The following ANK2 variants were observed in gnomAD, a reference collection of about 807,000 sequenced individuals.
ANK2 encodes the protein ankyrin-2.
Under a neutral mutation model 360.5 loss-of-function variants are expected in ANK2, and 83 were observed. That is an observed-to-expected ratio of 0.23 (90% CI 0.19 to 0.28). The LOEUF (loss-of-function observed/expected upper bound fraction) is 0.28, where lower values mean the gene tolerates loss of function less well. Ranked by LOEUF, ANK2 falls within the 10% of genes least tolerant of loss-of-function variation. The probability of loss-of-function intolerance (pLI) is 1.00; values close to 1 mark genes in which losing one functional copy is unlikely to be tolerated. For synonymous variants in ANK2, 1,740 were observed against 1,759.5 expected, an observed-to-expected ratio of 0.99 and a Z score of 0.28; for missense variants, 4,201 against 4,795.7, an observed-to-expected ratio of 0.88 and a Z score of 3.66.
intron 1 of ANK2, among the ~76,000 whole-genome samples, chr4:113,055,059 AACAGGC>A (rs2068946707): frequency 6.6e-6 from 1 of 152,098 alleles, no homozygotes; most frequent in South Asian, 2.1e-4. Context: ...GAGGATTTTT[AACAGGC>A]TCCCAACTCT....
chr4:112,880,995 G>C lies in ANK2; in HGVS notation c.-39-23460G>C, dbSNP rs190313864. On this transcript the variant is annotated intron_variant, in intron 1 of 30. Transcript: ENST00000503271. The stretch of plus-strand genomic sequence containing the variant: ...AGAAGAAAGTAAAAATGATGACTAT[G>C]CTTCTTACATAGAAATAACTGCTTA... 83 of 152,268 alleles carry C rather than the reference G, an allele frequency of 5.5e-4. 1 individual carries two copies. Among genetic ancestry groups the C allele is most frequent in the Admixed American group, 5.4e-3 (82 of 15,300 alleles). The allele number at this position is 152,268 out of a possible 1,614,324, so 9.4% of individuals were successfully genotyped here.
rs2153688077 is a variant in ANK2 at position 113,274,485 on chromosome 4, C to T, written c.1519C>T (p.Leu507=). 6.2e-7 allele frequency: 1 copy of T among 1,614,190 alleles called. No individual in the cohort carries two copies. Among genetic ancestry groups the T allele is most frequent in the Non-Finnish European group, 8.5e-7 (1 of 1,180,044 alleles). ...EQTPLHIASR[L]GKTEIVQLLL... ...GACACCTTTACATATTGCCTCCCGC[C>T]TGGGTAAGACAGAAATTGTCCAGCT... Residue 507 remains leucine (L), a synonymous_variant, in exon 15 of 46, where the codon CTG becomes TTG. Transcript: ENST00000357077.
intron 2 of ANK2, among the ~76,000 whole-genome samples, chr4:113,190,771 C>T (rs2098648113): frequency 6.6e-6 from 1 of 152,090 alleles, no homozygotes; most frequent in Non-Finnish European, 1.5e-5. Flanking sequence ...CAATTAAGCA[C>T]TTAGAACAGA....
At chr4:112,851,361 G>A (rs1170447998) in intron 1 of ANK2, among the ~76,000 whole-genome samples, 3 of 152,124 alleles carry the variant, frequency 2.0e-5, no homozygotes, top group Non-Finnish European at 2.9e-5. Flanking sequence ...GGTGAGCGAG[G>A]AGGTGGAGTG....
intron 2 of ANK2, among the ~76,000 whole-genome samples, chr4:113,000,810 A>G (rs1382068351): frequency 2.0e-5 from 3 of 152,148 alleles, no homozygotes; most frequent in African/African-American, 7.2e-5. Context: ...ATGACTGAAC[A>G]ATGACATTAG....
intron 17 of ANK2, 64 bp from the exon 18 acceptor site, chr4:113,282,611 A>T: frequency 7.2e-7 from 1 of 1,389,860 alleles, no homozygotes; most frequent in African/African-American, 1.4e-5. Context: ...TCCTTTAGAG[A>T]TACGTATTAG....
chr4:112,995,202 G>C (rs1042896019), intron 2 of ANK2, among the ~76,000 whole-genome samples: 1 of 152,120 alleles, frequency 6.6e-6, no homozygotes, highest in Non-Finnish European at 1.5e-5. Context: ...TTTCCACAGC[G>C]GCTGCACTAA....
intron 1 of ANK2, among the ~76,000 whole-genome samples, chr4:112,833,296 A>G (rs1419427348): frequency 6.6e-6 from 1 of 152,204 alleles, no homozygotes; most frequent in African/African-American, 2.4e-5. Context: ...TAAAATCTAG[A>G]CCGCTAGAAT....
chr4:113,057,820 A>G (rs1419967604), intron 1 of ANK2, among the ~76,000 whole-genome samples: 2 of 152,104 alleles, frequency 1.3e-5, no homozygotes, highest in African/African-American at 4.8e-5. Flanking sequence ...CAGGATTGCA[A>G]TTATCTATAA....
intron 29 of ANK2, among the ~76,000 whole-genome samples, chr4:113,334,306 G>T (rs1050780566): frequency 6.6e-6 from 1 of 152,006 alleles, no homozygotes; most frequent in Non-Finnish European, 1.5e-5. Flanking sequence ...AAAAATCAGG[G>T]TTTTTATTAA....
At chr4:112,918,041 A>G (rs2090408683) in intron 2 of ANK2, among the ~76,000 whole-genome samples, 1 of 152,176 alleles carries the variant, frequency 6.6e-6, no homozygotes, top group Non-Finnish European at 1.5e-5. Flanking sequence ...CCTTGCTTGG[A>G]CTGGCACTAT....
intron 2 of ANK2, among the ~76,000 whole-genome samples, chr4:113,011,775 G>A (rs2054815561): frequency 6.6e-6 from 1 of 151,994 alleles, no homozygotes; most frequent in Admixed American, 6.6e-5. Flanking sequence ...GTTTTTTTAA[G>A]TGCCTTTAGC....
At chr4:113,147,316 G>C (rs758130348) in intron 1 of ANK2, among the ~76,000 whole-genome samples, 11 of 152,164 alleles carry the variant, frequency 7.2e-5, no homozygotes. Context: ...CAGGAGAGCC[G>C]CTCTGGACTT....
intron 14 of ANK2, 24 bp downstream of exon 14, chr4:113,265,019 C>T (rs201869591): frequency 1.3e-6 from 2 of 1,548,702 alleles, no homozygotes; most frequent in Middle Eastern, 1.7e-4. Context: ...CCCTGAGGTT[C>T]TCTTCTATCG....
At chr4:113,177,435 C>G (rs528466973) in intron 2 of ANK2, among the ~76,000 whole-genome samples, 2 of 152,142 alleles carry the variant, frequency 1.3e-5, no homozygotes, top group Non-Finnish European at 2.9e-5. Context: ...AATTTGTTAA[C>G]TTTCTAAATT....
intron 2 of ANK2, among the ~76,000 whole-genome samples, chr4:112,950,804 C>G (rs1243103985): frequency 3.4e-5 from 5 of 148,396 alleles, no homozygotes; most frequent in Admixed American, 2.7e-4. Flanking sequence ...GTGCCTCGGC[C>G]GGGCGCGGTG....
Position 113,353,338 on chromosome 4 carries a change from G to A in ANK2, c.4720G>A (p.Asp1574Asn). The A allele has an allele frequency of 6.2e-7, 1 of 1,614,098 alleles. No individual in the cohort carries two copies. The highest frequency in any genetic ancestry group is 8.5e-7 in the Non-Finnish European group (1 of 1,179,950). Reference sequence around the variant, plus strand: ...CCTGAGAAGTGGAACCTGCACAAGAGATGAAAGCAGTGTGCAGAGCTCTCG... The same window carrying A: ...CCTGAGAAGTGGAACCTGCACAAGAAATGAAAGCAGTGTGCAGAGCTCTCG... ...EILRSGTCTR[D>N]ESSVQSSRSE... The change falls in exon 38 of 46, where the codon GAT becomes AAT. Residue 1574 changes from aspartate (D) to asparagine (N), a missense_variant. Coordinates refer to ENST00000357077, the MANE Select transcript of ANK2 (RefSeq NM_001148.6).
intron 2 of ANK2, among the ~76,000 whole-genome samples, chr4:112,931,710 T>C (rs866722791): frequency 4.6e-5 from 7 of 152,166 alleles, no homozygotes; most frequent in Non-Finnish European, 1.0e-4. Context: ...CCACTTGAAG[T>C]AACTGTAGGT....
intron 28 of ANK2, 88 bp from the exon 29 acceptor site, chr4:113,332,966 T>C: frequency 6.3e-7 from 1 of 1,588,596 alleles, no homozygotes; most frequent in Non-Finnish European, 8.6e-7. Flanking sequence ...AAAGAAGAAT[T>C]CCAGGTCACT....
Sources: gnomAD v4.1 joint callset for allele counts (sites outside exome capture counted in the v4.1 genomes callset) on GRCh38, gnomAD v4.1.1 for gene constraint, MANE v1.5 for transcripts, NCBI Gene and HGNC (gene_info 2026-07-23, HGNC 2026-07-21) for gene names.